Variants in SYNE2 observed in about 807,000 individuals in gnomAD.
The protein encoded by SYNE2 is nesprin-2.
A neutral mutation model predicts 856.3 loss-of-function variants in SYNE2; 431 were observed. The observed-to-expected ratio is 0.50, with a 90% CI of 0.47 to 0.55. The LOEUF is 0.55. Among genes scored for constraint, SYNE2 ranks in the 20% least tolerant of loss-of-function variants. SYNE2 has a pLI of 0.00. For missense variants in SYNE2, 8,129 were observed against 8,023.2 expected, an observed-to-expected ratio of 1.01 and a Z score of -0.50; for synonymous variants, 2,923 against 2,872.3, an observed-to-expected ratio of 1.02 and a Z score of -0.56.
chr14:63,869,025 A>G (rs1166160811), intron 1 of SYNE2, among the ~76,000 whole-genome samples: 1 of 152,244 alleles, frequency 6.6e-6, no homozygotes, highest in Non-Finnish European at 1.5e-5. Flanking sequence ...TTAACCTTCA[A>G]GCAGCTCCGA....
chr14:63,858,259 G>A (rs1333249989), intron 1 of SYNE2, among the ~76,000 whole-genome samples: 1 of 123,804 alleles, frequency 8.1e-6, no homozygotes, highest in African/African-American at 3.1e-5. Context: ...TCTCCACACC[G>A]GCCTTTTTTT....
At chr14:64,157,435 T>C (rs2098295004) in intron 85 of SYNE2, among the ~76,000 whole-genome samples, 1 of 152,268 alleles carries the variant, frequency 6.6e-6, no homozygotes, top group Non-Finnish European at 1.5e-5. Context: ...TTTATTTTTA[T>C]GGCTAATATT....
chr14:64,086,428 A>G (rs924644927), intron 57 of SYNE2, among the ~76,000 whole-genome samples: 1 of 152,212 alleles, frequency 6.6e-6, no homozygotes, highest in South Asian at 2.1e-4. Context: ...GAAATCAGGT[A>G]GCATCAATTC....
Position 64,002,031 on chromosome 14 carries a change from A to G in SYNE2, c.3736A>G (p.Ile1246Val). Residue 1246 changes from isoleucine (I) to valine (V), a missense_variant, in exon 29 of 116, where the codon ATC (isoleucine) becomes GTC (valine). Coordinates refer to ENST00000555002, the MANE Select transcript of SYNE2 (RefSeq NM_182914.3). ...GGACCTGCCTCTCCATAAAATGGCC[A>G]TCCAGGGATTTCATCTCATTGATGC... ...GSDLPLHKMA[I>V]QGFHLIDADR... 6.2e-7 allele frequency: 1 copy of G among 1,613,932 alleles called. No individual in the cohort carries two copies. The highest frequency in any genetic ancestry group is 1.3e-5 in the African/African-American group (1 of 75,042).
chr14:64,087,798 T>C lies in SYNE2; in HGVS notation c.11612T>C (p.Val3871Ala). Residue 3871 changes from valine to alanine, a missense_variant, in exon 58 of 116, where the codon GTA (valine) becomes GCA (alanine). Coordinates refer to ENST00000555002, the MANE Select transcript of SYNE2 (RefSeq NM_182914.3). ...TCCATACAAGAGTTAAGTAATCAAG[T>C]AACAGCTTTACAACAAAAAATAATG... ...TQSIQELSNQ[V>A]TALQQKIMES... is the part of the protein sequence containing the mutation. 6.2e-7 allele frequency: 1 copy of C among 1,614,162 alleles called. No homozygotes were observed. The highest frequency in any genetic ancestry group is 2.2e-5 in the East Asian group (1 of 44,864).
chr14:63,857,326 A>C (rs1356210870), intron 1 of SYNE2, among the ~76,000 whole-genome samples: 3 of 152,122 alleles, frequency 2.0e-5, no homozygotes, highest in African/African-American at 7.2e-5. Context: ...TTTTATTGTT[A>C]AGTAATACTC....
chr14:63,815,205 C>CATATATATATCCATATATAT lies in SYNE2; in HGVS notation c.-304-37293_-304-37274dup, dbSNP rs1888912621. Reference sequence around the variant, plus strand: ...CCATATATATATCCATATATATATCCATATATATATCCATATATATATCCA... The same window carrying CATATATATATCCATATATAT: ...CCATATATATATCCATATATATATCCATATATATATCCATATATATATATATATATCCATATATATATCCA... On this transcript the variant is annotated intron_variant, in intron 1 of 23. Transcript: ENST00000674003. 3.2e-5 allele frequency among the ~76,000 whole-genome samples: 3 copies of CATATATATATCCATATATAT among 94,612 alleles called. 1 individual carries two copies. Among genetic ancestry groups the CATATATATATCCATATATAT allele is most frequent in the African/African-American group, 7.4e-5 (2 of 27,180 alleles). 62.1% of individuals were successfully genotyped at this position (94,612 alleles called of 152,430 possible).
chr14:63,802,725 G>A (rs959300644), intron 1 of SYNE2, among the ~76,000 whole-genome samples: 3 of 152,090 alleles, frequency 2.0e-5, no homozygotes, highest in Non-Finnish European at 4.4e-5. Flanking sequence ...CCCTTCTGAT[G>A]TTCAGATGTG....
chr14:64,107,648 G>C, intron 65 of SYNE2, 41 bp downstream of exon 65: 1 of 1,478,986 alleles, frequency 6.8e-7, no homozygotes, highest in Non-Finnish European at 9.5e-7. Context: ...TCAGATAGCT[G>C]GACTAGCACC....
intron 1 of SYNE2, among the ~76,000 whole-genome samples, chr14:63,782,015 G>A (rs1209312739): frequency 1.3e-5 from 2 of 151,980 alleles, no homozygotes; most frequent in East Asian, 3.9e-4. Context: ...CACAGCTGTA[G>A]TCCCAACTAC....
intron 1 of SYNE2, among the ~76,000 whole-genome samples, chr14:63,876,940 G>A (rs2094738230): frequency 6.6e-6 from 1 of 152,176 alleles, no homozygotes; most frequent in Non-Finnish European, 1.5e-5. Flanking sequence ...TAGTCCAACA[G>A]ACCTGTTATT....
chr14:63,870,380 T>C (rs371074564), intron 1 of SYNE2, among the ~76,000 whole-genome samples: 8 of 140,078 alleles, frequency 5.7e-5, no homozygotes, highest in East Asian at 2.0e-4. Context: ...TGTACTTCAG[T>C]TGGCACTTCT....
rs1188064250 is a variant in SYNE2 at position 63,876,520 on chromosome 14, C to T, written c.-52+23377C>T. Among the ~76,000 whole-genome samples, 3 of 149,836 alleles carry T rather than the reference C, an allele frequency of 2.0e-5. No individual in the cohort carries two copies. The Admixed American group carries it at 2.0e-4, about 10-fold the overall frequency. On this transcript the variant is annotated intron_variant, in intron 1 of 115. Transcript: ENST00000555002. ...TTTTTTTTTTTGAGACCGAGTCTCG[C>T]TCTGTTGCCCAGGCTGGAGTGCAGT...
chr14:64,201,354 G>C (rs75189167), intron 99 of SYNE2, among the ~76,000 whole-genome samples: 1 of 152,208 alleles, frequency 6.6e-6, no homozygotes, highest in Non-Finnish European at 1.5e-5. Flanking sequence ...GTGCCTGTCC[G>C]TATTTGTCCA....
chr14:64,139,006 CAG>C (rs1567429369), intron 79 of SYNE2, among the ~76,000 whole-genome samples: 8 of 146,916 alleles, frequency 5.4e-5, no homozygotes, highest in African/African-American at 1.8e-4. Context: ...TTTTTTGAGA[CAG>C]GGTCTCACTG....
intron 16 of SYNE2, 93 bp from the exon 17 acceptor site, chr14:63,982,537 A>AAAG: frequency 1.4e-6 from 1 of 691,578 alleles, no homozygotes; most frequent in Non-Finnish European, 2.0e-6. Context: ...AAAAAAAAAA[A>AAAG]GAAAAGAAAA....
At chr14:63,782,407 G>A (rs1035744990) in intron 1 of SYNE2, among the ~76,000 whole-genome samples, 53 of 140,554 alleles carry the variant, frequency 3.8e-4, no homozygotes, top group African/African-American at 1.4e-3. Flanking sequence ...GGCAGAGGTT[G>A]CAGTGAGCTG....
rs34093002 is a variant in SYNE2 at position 63,764,556 on chromosome 14, CTT to C, written c.-305+2585_-305+2586del. Among the ~76,000 whole-genome samples, 631 of 121,114 alleles carry C rather than the reference CTT, an allele frequency of 5.2e-3. 7 individuals are homozygous for C. Among genetic ancestry groups the C allele is most frequent in the African/African-American group, 0.018 (571 of 31,874 alleles). The allele number at this position is 121,114 out of a possible 152,430, so 79.5% of individuals were successfully genotyped here. A position where few individuals can be genotyped will look rare whatever the true frequency, so the allele number is the denominator to read the frequency against. On this transcript the variant is annotated intron_variant, in intron 1 of 23. Transcript: ENST00000674003. ...AAAAAAAAAATCTGTTCTTTTGACT[CTT>C]TTTTTTTTTTTTTTGATTTATTTTA...
At chr14:63,929,262 T>G (rs1164694396) in intron 2 of SYNE2, among the ~76,000 whole-genome samples, 1 of 152,162 alleles carries the variant, frequency 6.6e-6, no homozygotes, top group Admixed American at 6.5e-5. Flanking sequence ...TAATTCATTA[T>G]GTTTATGTGA....
Sources: gnomAD v4.1 joint callset for allele counts (sites outside exome capture counted in the v4.1 genomes callset) on GRCh38, gnomAD v4.1.1 for gene constraint, MANE v1.5 for transcripts, NCBI Gene and HGNC (gene_info 2026-07-23, HGNC 2026-07-21) for gene names.